PARD3B: variants seen among roughly 807,000 people sequenced by gnomAD.
PARD3B encodes partitioning defective 3 homolog B.
PARD3B carries 103 observed loss-of-function variants against 130.2 expected under a neutral mutation model. That is an observed-to-expected ratio of 0.79 (90% confidence interval 0.67 to 0.93). PARD3B has a LOEUF of 0.93. Among genes scored for constraint, PARD3B ranks in the 40% least tolerant of loss-of-function variants. The pLI is 0.00. For synonymous variants in PARD3B, 583 were observed against 553.2 expected, an observed-to-expected ratio of 1.05 and a Z score of -0.76; for missense variants, 1,609 against 1,499.2, an observed-to-expected ratio of 1.07 and a Z score of -1.21.
At chr2:204,665,226 G>A (rs1459490558) in intron 1 of PARD3B, among the ~76,000 whole-genome samples, 1 of 151,956 alleles carries the variant, frequency 6.6e-6, no homozygotes, top group African/African-American at 2.4e-5. Context: ...AGTTGTGAAA[G>A]GTGTTGAGAT....
chr2:205,015,516 G>A lies in PARD3B; in HGVS notation c.395-32065G>A, dbSNP rs567591178. 1.4e-4 allele frequency among the ~76,000 whole-genome samples: 21 copies of A among 152,248 alleles called. No individual in the cohort carries two copies. In the East Asian group the frequency reaches 3.7e-3, roughly 27 times the overall value. ...TAGGGATGATGTGTTATTCATATAG[G>A]TATAACCCAGTCTTGAGCTTCACAA... On this transcript the variant is annotated intron_variant, in intron 3 of 22. Coordinates refer to ENST00000406610, the MANE Select transcript of PARD3B (RefSeq NM_001302769.2). This position sits in a 1 kb window ranked among gnomAD's most constrained non-coding sequence, Gnocchi z 4.5.
chr2:204,651,156 A>G (rs996906612), intron 1 of PARD3B, among the ~76,000 whole-genome samples: 2 of 152,170 alleles, frequency 1.3e-5, no homozygotes, highest in Admixed American at 6.5e-5. Context: ...TGCCTTCCCA[A>G]TAGTCCCCCA....
At chr2:205,002,422 G>A (rs989944077) in intron 3 of PARD3B, among the ~76,000 whole-genome samples, 1 of 152,104 alleles carries the variant, frequency 6.6e-6, no homozygotes, top group Non-Finnish European at 1.5e-5. Flanking sequence ...AGCTTCCTCT[G>A]CGACTGACAT....
In PARD3B at chr2:204,823,847, G is replaced by A. The variant is rs902157303; in HGVS notation, c.222+137565G>A. ...CCCAGCTACTTGGGAGGCTGAGGCA[G>A]GAGAATCGCTTGAGTCCAGGAGGCA... On this transcript the variant is annotated intron_variant, in intron 2 of 22. Coordinates refer to ENST00000406610, the MANE Select transcript of PARD3B (RefSeq NM_001302769.2). 2.6e-4 allele frequency among the ~76,000 whole-genome samples: 40 copies of A among 152,000 alleles called. 1 individual carries two copies. Among genetic ancestry groups the A allele is most frequent in the African/African-American group, 9.7e-4 (40 of 41,422 alleles).
In PARD3B at chr2:205,568,851, A is replaced by G. The variant is rs1278411975; in HGVS notation, c.3260+15448A>G. On this transcript the variant is annotated intron_variant, in intron 22 of 22. Transcript: ENST00000406610. The surrounding 1 kb of genome is among the most constrained non-coding windows in gnomAD (Gnocchi z 5.3). ...CTGTAAAACTGGATCAGTCACATCC[A>G]GTTCAATTAAGATGCTTAGGCTCAC... 6.6e-6 allele frequency among the ~76,000 whole-genome samples: 1 copy of G among 152,202 alleles called. No homozygotes were observed. The highest frequency in any genetic ancestry group is 1.5e-5 in the Non-Finnish European group (1 of 68,044).
intron 21 of PARD3B, among the ~76,000 whole-genome samples, chr2:205,544,399 GC>G (rs1225928682): frequency 1.3e-5 from 2 of 152,106 alleles, no homozygotes; most frequent in African/African-American, 4.8e-5. Flanking sequence ...AAGACACAGA[GC>G]CAGAGTTTGC....
intron 2 of PARD3B, among the ~76,000 whole-genome samples, chr2:204,944,764 G>T (rs1288159112): frequency 6.6e-6 from 1 of 152,100 alleles, no homozygotes; most frequent in African/African-American, 2.4e-5. Context: ...TGTTCTAATT[G>T]TACCTGACCT....
At chr2:204,549,333 G>A (rs115838536) in intron 1 of PARD3B, among the ~76,000 whole-genome samples, 92 of 152,254 alleles carry the variant, frequency 6.0e-4, no homozygotes, top group African/African-American at 2.1e-3. Flanking sequence ...CCAATTTAGT[G>A]AAGTTGTTAG....
intron 22 of PARD3B, among the ~76,000 whole-genome samples, chr2:205,583,068 T>C (rs2054052932): frequency 6.6e-6 from 1 of 152,182 alleles, no homozygotes; most frequent in Non-Finnish European, 1.5e-5. Context: ...TTGTTCTTGA[T>C]TTAGGGAGAT....
At chr2:204,686,684 G>A (rs1459133179) in intron 2 of PARD3B, among the ~76,000 whole-genome samples, 1 of 152,156 alleles carries the variant, frequency 6.6e-6, no homozygotes, top group Non-Finnish European at 1.5e-5. Flanking sequence ...CAAGTTTTAT[G>A]AAGAATTACA....
At chr2:205,608,155 C>G (rs1050739424) in intron 22 of PARD3B, among the ~76,000 whole-genome samples, 1 of 152,096 alleles carries the variant, frequency 6.6e-6, no homozygotes, top group Non-Finnish European at 1.5e-5. Context: ...TATTTTGCCC[C>G]TAGAGTGTTC....
At chr2:204,707,532 T>C (rs945995149) in intron 2 of PARD3B, among the ~76,000 whole-genome samples, 1 of 152,196 alleles carries the variant, frequency 6.6e-6, no homozygotes, top group Non-Finnish European at 1.5e-5. Flanking sequence ...TAGTAGATGA[T>C]GGATAACTAA....
chr2:204,834,750 CT>C (rs1052639498), intron 2 of PARD3B, among the ~76,000 whole-genome samples: 3 of 152,154 alleles, frequency 2.0e-5, no homozygotes, highest in African/African-American at 4.8e-5. Flanking sequence ...TCTTCTACCC[CT>C]ATCCTCCCAT....
rs1318460296 is a variant in PARD3B, at chr2:205,241,144, A to G, written c.2141-4634A>G. On this transcript the variant is annotated intron_variant, in intron 15 of 22. Coordinates refer to ENST00000406610, the MANE Select transcript of PARD3B (RefSeq NM_001302769.2). This position sits in a 1 kb window ranked among gnomAD's most constrained non-coding sequence, Gnocchi z 4.2. ...GCTTACAACCATGAGAATTAGAAAC[A>G]TAGGCCATCAGGCTGCTGTTTCTCA... Among the ~76,000 whole-genome samples the G allele has an allele frequency of 3.9e-5, 6 of 152,224 alleles. No individual in the cohort carries two copies. Among genetic ancestry groups the G allele is most frequent in the Non-Finnish European group, 1.5e-5 (1 of 68,018 alleles).
intron 16 of PARD3B, among the ~76,000 whole-genome samples, chr2:205,290,614 C>A (rs919778784): frequency 4.6e-5 from 7 of 152,090 alleles, no homozygotes; most frequent in Admixed American, 4.6e-4. Flanking sequence ...ATAGAGAATA[C>A]AAAATTATTG....
intron 1 of PARD3B, among the ~76,000 whole-genome samples, chr2:204,584,629 C>T (rs1479515838): frequency 6.6e-6 from 1 of 152,142 alleles, no homozygotes; most frequent in Non-Finnish European, 1.5e-5. Flanking sequence ...GCTTCTACTC[C>T]TAGACATTCT....
Position 205,025,367 on chromosome 2 carries a change from A to G in PARD3B, c.395-22214A>G, listed in dbSNP as rs546878434. Among the ~76,000 whole-genome samples the G allele has an allele frequency of 4.6e-5, 7 of 152,214 alleles. No homozygotes were observed. The South Asian group carries it at 1.2e-3, about 27-fold the overall frequency. ...TGCCAAAAGTGTCAGCCTTTCTCCT[A>G]CAGATCTGACCGTGTGACACATGCA... On this transcript the variant is annotated intron_variant, in intron 3 of 22. Transcript: ENST00000406610.
chr2:204,646,557 T>C (rs561525464), intron 1 of PARD3B, among the ~76,000 whole-genome samples: 1 of 152,198 alleles, frequency 6.6e-6, no homozygotes, highest in African/African-American at 2.4e-5. Context: ...GTTTCTAACC[T>C]GGGGCTATTG....
intron 2 of PARD3B, among the ~76,000 whole-genome samples, chr2:204,867,591 G>A (rs561454226): frequency 1.3e-5 from 2 of 152,170 alleles, no homozygotes; most frequent in Admixed American, 6.5e-5. Flanking sequence ...ATGCACCTTT[G>A]AGCATTGTTC....
Sources: allele counts gnomAD v4.1 joint callset (sites outside exome capture counted in the v4.1 genomes callset), GRCh38; gene constraint gnomAD v4.1.1; non-coding constraint Gnocchi (gnomAD v3.1); transcripts MANE v1.5; gene names NCBI Gene and HGNC (gene_info 2026-07-23, HGNC 2026-07-21).